CORO7: variants seen among roughly 807,000 people sequenced by gnomAD.
CORO7 encodes coronin 7.
CORO7 carries 107 observed loss-of-function variants against 126.6 expected under a neutral mutation model. The observed-to-expected ratio is 0.85, with a 90% CI of 0.72 to 0.99. The LOEUF (loss-of-function observed/expected upper bound fraction) is 0.99, where lower values mean the gene tolerates loss of function less well. CORO7 is among the 50% of genes least tolerant of loss of function. The pLI, the probability that CORO7 is intolerant of heterozygous loss-of-function variation, is 0.00. For missense variants in CORO7, 1,314 were observed against 1,255.8 expected, an observed-to-expected ratio of 1.05 and a Z score of -0.70; for synonymous variants, 603 against 536.8, an observed-to-expected ratio of 1.12 and a Z score of -1.70.
intron 25 of CORO7, chr16:4,357,633 G>T: frequency 5.5e-6 from 2 of 363,810 alleles, no homozygotes; most frequent in Non-Finnish European, 9.9e-6. Flanking sequence ...TGGGATTACA[G>T]GCATGAGCCA....
intron 25 of CORO7, 155 bp downstream of exon 25, chr16:4,357,813 T>C: frequency 7.4e-7 from 1 of 1,350,004 alleles, no homozygotes; most frequent in Non-Finnish European, 9.9e-7. Flanking sequence ...AGCCCTGCCC[T>C]CCACTGGCTC....
At chr16:4,407,114 A>T (rs1350985169) in intron 5 of CORO7, among the ~76,000 whole-genome samples, 2 of 149,494 alleles carry the variant, frequency 1.3e-5, no homozygotes, top group Non-Finnish European at 3.0e-5. Flanking sequence ...CGCCCGGCTA[A>T]TTTTTGTATA....
intron 21 of CORO7, 97 bp from the exon 22 acceptor site, chr16:4,359,718 T>C: frequency 6.9e-7 from 1 of 1,452,646 alleles, no homozygotes. Flanking sequence ...TGTTCTGGGT[T>C]GTAGGCGAGG....
chr16:4,376,735 TC>T (rs1001873282), intron 9 of CORO7, among the ~76,000 whole-genome samples: 1 of 152,066 alleles, frequency 6.6e-6, no homozygotes, highest in African/African-American at 2.4e-5. Flanking sequence ...ATAGGGCCCC[TC>T]CCTGAAGTCC....
Position 4,358,349 on chromosome 16 carries a change from C to T in CORO7, c.2457+18G>A, listed in dbSNP as rs1468258539. 20 of 1,610,854 alleles carry T rather than the reference C, an allele frequency of 1.2e-5. No individual in the cohort carries two copies. Among genetic ancestry groups the T allele is most frequent in the Non-Finnish European group, 1.7e-5 (20 of 1,178,972 alleles). ...CGAGAAGGCGGTGGGCATGGGAGTC[C>T]CAGGTCCCCACCCTCACCCGGACTC... On this transcript the variant is annotated intron_variant, in intron 24 of 27. Coordinates refer to ENST00000251166, the MANE Select transcript of CORO7 (RefSeq NM_024535.5).
chr16:4,413,402 G>C lies in CORO7; in HGVS notation c.63C>G (p.Ser21=), dbSNP rs1039314149. 7 of 1,568,554 alleles carry C rather than the reference G, an allele frequency of 4.5e-6. No individual in the cohort carries two copies. Among genetic ancestry groups the C allele is most frequent in the Admixed American group, 1.9e-5 (1 of 52,840 alleles). Residue 21 remains serine (S), a splice_region_variant and synonymous_variant, in exon 2 of 28, where the codon TCC becomes TCG. Transcript: ENST00000251166. ...HTEARPPRRE[S]WISDIRAGTA... ...TTCCTGCTCGAATGTCACTGATCCA[G>C]GACTGAAAATCAAGAGTAAAGAAGT...
chr16:4,370,788 G>C (rs895432551), intron 9 of CORO7, among the ~76,000 whole-genome samples: 6 of 147,222 alleles, frequency 4.1e-5, no homozygotes, highest in Non-Finnish European at 6.1e-5. Context: ...AGCTGGTGTG[G>C]CCCAGCCTCC....
chr16:4,359,436 C>T (rs766586397), intron 22 of CORO7, 44 bp downstream of exon 22: 8 of 1,613,362 alleles, frequency 5.0e-6, no homozygotes, highest in Non-Finnish European at 6.8e-6. Context: ...TGGCCTTCCC[C>T]CCACCACCTC....
chr16:4,404,227 G>A (rs1334427540), intron 6 of CORO7, among the ~76,000 whole-genome samples: 1 of 152,174 alleles, frequency 6.6e-6, no homozygotes, highest in Non-Finnish European at 1.5e-5. Flanking sequence ...TCCATTCCCA[G>A]GCCTCTCAGC....
intron 3 of CORO7, among the ~76,000 whole-genome samples, chr16:4,409,579 C>T (rs973582014): frequency 3.9e-5 from 6 of 152,184 alleles, no homozygotes; most frequent in South Asian, 2.1e-4. Context: ...AGGATGAGGA[C>T]GCCAAAACCC....
Position 4,357,207 on chromosome 16 carries a change from C to A in CORO7, c.2646G>T (p.Gln882His), listed in dbSNP as rs754009939. 6.2e-7 allele frequency: 1 copy of A among 1,613,918 alleles called. No individual in the cohort carries two copies. Among genetic ancestry groups the A allele is most frequent in the Non-Finnish European group, 8.5e-7 (1 of 1,180,006 alleles). The change falls in exon 26 of 28, where the codon CAG becomes CAT. Residue 882 changes from glutamine to histidine, a missense_variant. Coordinates refer to ENST00000251166, the MANE Select transcript of CORO7 (RefSeq NM_024535.5). ...GCTGGTCAGACTTTTCTTCCAGGTA[C>A]TGCGCTGAGGATGGGGCCCGACGAG... ...APARRAPSSA[Q>H]YLEEKSDQQK...
intron 23 of CORO7, 44 bp from the exon 24 acceptor site, chr16:4,358,527 T>A (rs1256751204): frequency 4.6e-6 from 7 of 1,531,262 alleles, no homozygotes; most frequent in Non-Finnish European, 6.2e-6. Context: ...GACCTAGAGC[T>A]CATGGCTGGG....
At chr16:4,405,336 T>C (rs2055957820) in intron 6 of CORO7, 155 bp downstream of exon 6, 2 of 737,064 alleles carry the variant, frequency 2.7e-6, no homozygotes, top group Admixed American at 3.4e-5. Context: ...AGCGGGGGTG[T>C]GAGGAGCAGC....
In CORO7 at chr16:4,365,362, G is replaced by A. The variant is rs2054315777; in HGVS notation, c.840+129C>T. ...TCAGGAAGGCCAGTGTTCTAGGAGA[G>A]CTACAGTCACCTTGGCTGCACAGGG... On this transcript the variant is annotated intron_variant, in intron 10 of 27. Transcript: ENST00000251166. 1.5e-5 allele frequency: 20 copies of A among 1,368,482 alleles called. 1 individual carries two copies. In the South Asian group the frequency reaches 2.8e-4, roughly 19 times the overall value. 84.8% of individuals were successfully genotyped at this position (1,368,482 alleles called of 1,614,324 possible). A position where few individuals can be genotyped will look rare whatever the true frequency, so the allele number is the denominator to read the frequency against.
chr16:4,357,557 T>C (rs552478015), intron 25 of CORO7: 26 of 352,340 alleles, frequency 7.4e-5, no homozygotes, highest in Non-Finnish European at 1.3e-4. Context: ...GGTTTCACCA[T>C]GTTGGCCAGG....
chr16:4,393,935 C>T (rs1449296152), intron 7 of CORO7, among the ~76,000 whole-genome samples: 1 of 151,996 alleles, frequency 6.6e-6, no homozygotes, highest in African/African-American at 2.4e-5. Context: ...CCCGTCTCCA[C>T]TAAAAATACA....
intron 3 of CORO7, 123 bp from the exon 4 acceptor site, chr16:4,408,374 G>C (rs2056087308): frequency 2.9e-6 from 4 of 1,377,904 alleles, no homozygotes; most frequent in Admixed American, 4.0e-5. Context: ...AAGTCTACAA[G>C]GGCCCTCTGG....
At position 4,381,045 on chromosome 16, in the gene CORO7, G is replaced by A. The variant is rs777997851; in HGVS notation, c.785+6941C>T. ...GAGACGTGCCACCCGACACGGTGGG[G>A]CTGTACGTCTTTGAGAACGGCATCA... On this transcript the variant is annotated intron_variant, in intron 9 of 27. Coordinates refer to ENST00000251166, the MANE Select transcript of CORO7 (RefSeq NM_024535.5). The A allele has an allele frequency of 9.9e-6, 16 of 1,610,628 alleles. No homozygotes were observed. In the South Asian group the frequency reaches 1.4e-4, roughly 14 times the overall value.
At chr16:4,373,367 T>C (rs4786485) in intron 9 of CORO7, among the ~76,000 whole-genome samples, 117,374 of 152,064 alleles carry the variant, frequency 0.77, 45,561 homozygotes, top group East Asian at 0.81. Flanking sequence ...ACCCCGCCCC[T>C]GTCTCCTGCA....
Sources: gnomAD v4.1 joint callset for allele counts (sites outside exome capture counted in the v4.1 genomes callset) on GRCh38, gnomAD v4.1.1 for gene constraint, MANE v1.5 for transcripts, NCBI Gene and HGNC (gene_info 2026-07-23, HGNC 2026-07-21) for gene names.